The following CIDEA variants were observed in gnomAD, a reference collection of about 807,000 sequenced individuals.
CIDEA encodes cell death inducing DFFA like effector a.
In CIDEA, 10 loss-of-function variants were observed where a neutral mutation model predicts 18.2. That is an observed-to-expected ratio of 0.55 (90% CI 0.34 to 0.93). The LOEUF (loss-of-function observed/expected upper bound fraction) is 0.93, where lower values mean the gene tolerates loss of function less well. Ranked by LOEUF, CIDEA falls within the 40% of genes least tolerant of loss-of-function variation. The pLI is 0.02. For missense variants in CIDEA, 309 were observed against 293.1 expected (o/e 1.05, Z -0.40); for synonymous variants, 128 against 124.8 (o/e 1.03, Z -0.17).
At chr18:12,268,229 CATTT>C (rs1912408935) in intron 3 of CIDEA, among the ~76,000 whole-genome samples, 1 of 72,998 alleles carries the variant, frequency 1.4e-5, no homozygotes, top group Admixed American at 1.9e-4. Context: ...CATGCCCGGC[CATTT>C]TTTTTTTTTT....
intron 4 of CIDEA, among the ~76,000 whole-genome samples, chr18:12,274,703 G>A (rs1337135246): frequency 1.3e-5 from 2 of 152,174 alleles, no homozygotes; most frequent in Non-Finnish European, 2.9e-5. Context: ...AGCCTTACCA[G>A]TAATGTGGCA....
chr18:12,275,287 G>T (rs1905293824), intron 4 of CIDEA, among the ~76,000 whole-genome samples: 1 of 152,172 alleles, frequency 6.6e-6, no homozygotes, highest in African/African-American at 2.4e-5. Context: ...CCGCCACTGT[G>T]AGCCATAACC....
intron 3 of CIDEA, 121 bp from the exon 4 acceptor site, chr18:12,273,972 G>A (rs1296931397): frequency 2.1e-5 from 22 of 1,031,726 alleles, no homozygotes; most frequent in Non-Finnish European, 2.3e-5. Flanking sequence ...GATTAGCCAC[G>A]GAGCCGCTCA....
In CIDEA at chr18:12,275,478, C is replaced by T. The variant is rs117173948; in HGVS notation, c.512+1204C>T. Among the ~76,000 whole-genome samples the T allele has an allele frequency of 6.0e-3, 910 of 152,352 alleles. 4 individuals are homozygous for T. Among genetic ancestry groups the T allele is most frequent in the Non-Finnish European group, 7.8e-3 (532 of 68,030 alleles). ...CCGTTGATCCTTAAAGAACTAACCT[C>T]TGTGGAGGGAGTGGATGGGAGAGTG... On this transcript the variant is annotated intron_variant, in intron 4 of 4. Coordinates refer to ENST00000320477, the MANE Select transcript of CIDEA (RefSeq NM_001279.4).
At position 12,256,894 on chromosome 18, in the gene CIDEA, C is replaced by T. The variant is rs528831898; in HGVS notation, c.38+2473C>T. On this transcript the variant is annotated intron_variant, in intron 1 of 4. Coordinates refer to ENST00000320477, the MANE Select transcript of CIDEA (RefSeq NM_001279.4). ...TAATGTCAAGCCTTTAGGTAGCTTG[C>T]GAAGAACTGAGCCATGAACCAGGCA... Among the ~76,000 whole-genome samples the T allele has an allele frequency of 3.9e-5, 6 of 152,274 alleles. No homozygotes were observed. The East Asian group carries it at 9.6e-4, about 24-fold the overall frequency.
intron 1 of CIDEA, among the ~76,000 whole-genome samples, chr18:12,259,153 G>C (rs1365536779): frequency 6.6e-6 from 1 of 152,200 alleles, no homozygotes; most frequent in East Asian, 1.9e-4. Flanking sequence ...GTGGGTCCCT[G>C]GCAAACGTGT....
intron 2 of CIDEA, among the ~76,000 whole-genome samples, chr18:12,263,405 G>A (rs144489496): frequency 3.0e-4 from 46 of 152,294 alleles, no homozygotes; most frequent in African/African-American, 1.1e-3. Flanking sequence ...TTTAAAAGAG[G>A]AGGAAAAGAA....
At chr18:12,267,006 G>T (rs1361354257) in intron 3 of CIDEA, among the ~76,000 whole-genome samples, 1 of 152,126 alleles carries the variant, frequency 6.6e-6, no homozygotes, top group Non-Finnish European at 1.5e-5. Context: ...TGATCCACCT[G>T]CCTCGGCCTC....
At chr18:12,263,118 A>G (rs73947526) in intron 2 of CIDEA, 149 bp downstream of exon 2, 34,760 of 772,382 alleles carry the variant, frequency 0.045, 1,014 homozygotes, top group Middle Eastern at 0.081. Context: ...GAAATTGGGA[A>G]TGACTGCTGG....
intron 3 of CIDEA, among the ~76,000 whole-genome samples, chr18:12,272,136 T>C (rs1475832558): frequency 2.4e-5 from 1 of 42,120 alleles, no homozygotes; most frequent in African/African-American, 1.0e-4. Flanking sequence ...AGCCTCAGCT[T>C]TGAGTGTGTG....
intron 4 of CIDEA, among the ~76,000 whole-genome samples, 199 bp from the exon 5 acceptor site, chr18:12,276,924 C>T (rs375951093): frequency 5.3e-5 from 8 of 152,216 alleles, no homozygotes; most frequent in African/African-American, 1.7e-4. Context: ...CTGCTCCTGG[C>T]CAGACCCACT....
Position 12,257,000 on chromosome 18 carries a change from G to A in CIDEA, c.38+2579G>A, listed in dbSNP as rs572132485. Among the ~76,000 whole-genome samples, 18 of 152,244 alleles carry A rather than the reference G, an allele frequency of 1.2e-4. No homozygotes were observed. The South Asian group carries it at 2.9e-3, about 25-fold the overall frequency. ...CACGTCCAAGAGCCCTAGGGGAGCC[G>A]GGCAGCAGGAAGTCTCGTCAAGGCA... On this transcript the variant is annotated intron_variant, in intron 1 of 4. Transcript: ENST00000320477.
chr18:12,270,699 A>AAAAAAAAAAAAAAAAAC (rs1912491532), intron 3 of CIDEA, among the ~76,000 whole-genome samples: 1 of 143,024 alleles, frequency 7.0e-6, no homozygotes, highest in African/African-American at 2.9e-5. Context: ...AAAAAAAAAA[A>AAAAAAAAAAAAAAAAAC]AAAAAAAAAA....
chr18:12,262,792 T>C (rs767735081), intron 1 of CIDEA, 33 bp from the exon 2 acceptor site: 1 of 1,593,226 alleles, frequency 6.3e-7, no homozygotes, highest in South Asian at 1.1e-5. Context: ...CAGACTCTTT[T>C]TAAAAAGTTT....
At chr18:12,277,049 A>C in intron 4 of CIDEA, 74 bp from the exon 5 acceptor site, 1 of 1,543,614 alleles carries the variant, frequency 6.5e-7, no homozygotes, top group African/African-American at 1.4e-5. Flanking sequence ...GGGGGAGTGA[A>C]GTATTCCCAT....
intron 1 of CIDEA, among the ~76,000 whole-genome samples, chr18:12,258,580 G>A (rs1391419267): frequency 6.6e-6 from 1 of 152,214 alleles, no homozygotes; most frequent in Non-Finnish European, 1.5e-5. Context: ...CCTTGGGGGC[G>A]AAGAGGGGCT....
intron 1 of CIDEA, among the ~76,000 whole-genome samples, chr18:12,256,497 G>C (rs1397585158): frequency 6.6e-6 from 1 of 152,192 alleles, no homozygotes; most frequent in Non-Finnish European, 1.5e-5. Context: ...TCACAACAAA[G>C]CTCCAGACAT....
chr18:12,275,966 C>T (rs1200707820), intron 4 of CIDEA, among the ~76,000 whole-genome samples: 1 of 151,076 alleles, frequency 6.6e-6, no homozygotes, highest in Non-Finnish European at 1.5e-5. Context: ...AATTCCACCT[C>T]AGTGAAATCT....
intron 3 of CIDEA, among the ~76,000 whole-genome samples, chr18:12,272,303 C>CTACCAGGTAGAACCTGAACCTCTA (rs1329984235): frequency 2.0e-4 from 30 of 152,162 alleles, no homozygotes; most frequent in Non-Finnish European, 2.4e-4. Flanking sequence ...ACCTCTACCT[C>CTACCAGGTAGAACCTGAACCTCTA]CCAGGTTCAA....
Sources: gnomAD v4.1 joint callset for allele counts (sites outside exome capture counted in the v4.1 genomes callset) on GRCh38, gnomAD v4.1.1 for gene constraint, MANE v1.5 for transcripts, NCBI Gene and HGNC (gene_info 2026-07-23, HGNC 2026-07-21) for gene names.